NOP9: variants seen among roughly 807,000 people sequenced by gnomAD.
NOP9 encodes the protein NOP9 nucleolar protein.
In NOP9, 50 loss-of-function variants were observed where a neutral mutation model predicts 63.0. The observed-to-expected ratio is 0.79, with a 90% CI of 0.63 to 1.00. The LOEUF (loss-of-function observed/expected upper bound fraction) is 1.00. Among genes scored for constraint, NOP9 ranks in the 50% least tolerant of loss-of-function variants. The pLI is 0.00. For synonymous variants in NOP9, 343 were observed against 332.8 expected (o/e 1.03, Z -0.33); for missense variants, 758 against 803.0 (o/e 0.94, Z 0.68).
At chr14:24,275,202 G>A in the NOP9 span, among the ~76,000 whole-genome samples, 3 of 151,974 alleles carry the variant, frequency 2.0e-5, no homozygotes, top group African/African-American at 4.8e-5. Flanking sequence ...GTGAGCCACC[G>A]TGCCCTGAAA....
chr14:24,286,887 C>T, the NOP9 span, among the ~76,000 whole-genome samples: 7 of 150,746 alleles, frequency 4.6e-5, no homozygotes, highest in Admixed American at 1.3e-4. Context: ...TGAGCCACCG[C>T]GCCCGGCCTA....
the NOP9 span, chr14:24,292,439 G>T: frequency 6.6e-7 from 1 of 1,526,220 alleles, no homozygotes; most frequent in Non-Finnish European, 8.9e-7. Flanking sequence ...CTTCCCAGGA[G>T]CCCCAAGGTC....
At chr14:24,303,405 A>C (rs1306219315) in intron 6 of NOP9, among the ~76,000 whole-genome samples, 191 bp downstream of exon 6, 1 of 125,570 alleles carries the variant, frequency 8.0e-6, no homozygotes, top group Non-Finnish European at 1.7e-5. Context: ...TTTTTTTTTG[A>C]GACGGAGTTT....
Position 24,300,822 on chromosome 14 carries a change from C to CT in NOP9, c.663dup (p.Glu222Ter). ...GTGTTAGGAGGGACTATTCTGGAGT[C>CT]TGAGAGAGCCAGGCCCCGTGGTTCC... On this transcript the variant is annotated frameshift_variant, in exon 2 of 10. Coordinates refer to ENST00000267425, the MANE Select transcript of NOP9 (RefSeq NM_174913.3). LOFTEE classifies it high-confidence loss of function. The CT allele has an allele frequency of 1.9e-6, 3 of 1,613,918 alleles. No individual in the cohort carries two copies. Among genetic ancestry groups the CT allele is most frequent in the Non-Finnish European group, 2.5e-6 (3 of 1,179,832 alleles).
Position 24,300,095 on chromosome 14 carries a change from G to T in NOP9, c.141G>T (p.Ser47=), listed in dbSNP as rs768214653. The T allele has an allele frequency of 6.8e-6, 11 of 1,613,154 alleles. No individual in the cohort carries two copies. The Middle Eastern group carries it at 6.6e-4, about 97-fold the overall frequency. The change falls in exon 1 of 10, where the codon TCG becomes TCT. Residue 47 remains serine (S), a synonymous_variant. Coordinates refer to ENST00000267425, the MANE Select transcript of NOP9 (RefSeq NM_174913.3). ...CCTGGCCGCCTCCGGATGGGCGCTC[G>T]GAGCCGGCTCCAGATTCGCACCCGC... ...RQPWPPPDGR[S]EPAPDSHPHL...
intron 5 of NOP9, 41 bp from the exon 6 acceptor site, chr14:24,303,033 A>T (rs1182938845): frequency 1.3e-5 from 19 of 1,502,336 alleles, no homozygotes; most frequent in Non-Finnish European, 1.6e-5. Context: ...GTGGTCCGCC[A>T]TTACCAGAAT....
At chr14:24,294,318 T>G in the NOP9 span, 1 of 152,104 alleles carries the variant, frequency 6.6e-6, no homozygotes, top group Non-Finnish European at 1.5e-5. Flanking sequence ...CTGAGTATGG[T>G]GGCTCATGCC....
At chr14:24,273,149 C>T in the NOP9 span, among the ~76,000 whole-genome samples, 3 of 151,856 alleles carry the variant, frequency 2.0e-5, no homozygotes, top group African/African-American at 7.3e-5. Flanking sequence ...TTATAACTCA[C>T]ACCTGGGTAA....
At chr14:24,279,945 C>T in the NOP9 span, among the ~76,000 whole-genome samples, 1 of 152,178 alleles carries the variant, frequency 6.6e-6, no homozygotes, top group African/African-American at 2.4e-5. Context: ...GATGCTGTCG[C>T]TGGTAGATGA....
upstream of NOP9, chr14:24,299,832 T>C: frequency 8.0e-7 from 1 of 1,243,922 alleles, no homozygotes; most frequent in Non-Finnish European, 1.1e-6. Flanking sequence ...TATGACGTAG[T>C]AGCTGCGTCA....
At chr14:24,302,189 ATGAAATGGAGTTAAGACTGCC>A in intron 4 of NOP9, 22 bp from the exon 5 acceptor site, 2 of 1,600,696 alleles carry the variant, frequency 1.2e-6, no homozygotes, top group Non-Finnish European at 1.7e-6. Context: ...TGTATTTTGC[ATGAAATGGAGTTAAGACTGCC>A]TGATGCCCTT....
chr14:24,303,716 C>T lies in NOP9; in HGVS notation c.1285-16C>T, dbSNP rs4982895. 1,537,055 of 1,607,644 alleles carry T rather than the reference C, an allele frequency of 0.96. 735,334 individuals carry two copies. Among genetic ancestry groups the T allele is most frequent in the Middle Eastern group, 0.97 (5,851 of 6,046 alleles). Reference sequence around the variant, plus strand: ...GAGAAGTTCTCAGGTTCATCATATTCTGTCTTCTCCTTTAGGCATTCCACT... The same window carrying T: ...GAGAAGTTCTCAGGTTCATCATATTTTGTCTTCTCCTTTAGGCATTCCACT... On this transcript the variant is annotated splice_polypyrimidine_tract_variant and intron_variant, in intron 6 of 9. Coordinates refer to ENST00000267425, the MANE Select transcript of NOP9 (RefSeq NM_174913.3).
the NOP9 span, among the ~76,000 whole-genome samples, chr14:24,289,731 A>G: frequency 6.6e-6 from 1 of 152,212 alleles, no homozygotes; most frequent in Non-Finnish European, 1.5e-5. Flanking sequence ...CTTTCATGGG[A>G]CATGTACTGT....
the NOP9 span, among the ~76,000 whole-genome samples, chr14:24,276,003 C>A: frequency 6.6e-6 from 1 of 152,222 alleles, no homozygotes. Flanking sequence ...CATGTGACTG[C>A]TAAGCGCTTG....
chr14:24,289,043 T>G, the NOP9 span, among the ~76,000 whole-genome samples: 7 of 151,752 alleles, frequency 4.6e-5, no homozygotes, highest in Admixed American at 1.3e-4. Flanking sequence ...TGGCACGATC[T>G]CGGCTCACTG....
the NOP9 span, among the ~76,000 whole-genome samples, chr14:24,287,757 T>A: frequency 6.6e-6 from 1 of 152,316 alleles, no homozygotes; most frequent in Non-Finnish European, 1.5e-5. Context: ...GCCCCCTTCC[T>A]CAGTTCTCCA....
intron 1 of NOP9, 103 bp downstream of exon 1, chr14:24,300,304 T>G: frequency 6.4e-7 from 1 of 1,561,464 alleles, no homozygotes; most frequent in Non-Finnish European, 8.7e-7. Flanking sequence ...TCATTTCCCA[T>G]GTCCTCTTCC....
chr14:24,307,253 C>T lies in NOP9; in HGVS notation c.*2158C>T, dbSNP rs2041540051. The stretch of plus-strand genomic sequence containing the variant: ...TAGGCCCACTCCGCTGCTTTTAGCC[C>T]TCAGAGGGAGGGGCAGCTGTGTGAC... On this transcript the variant is annotated 3_prime_UTR_variant, in exon 10 of 10. Transcript: ENST00000267425. 21 of 1,184,276 alleles carry T rather than the reference C, an allele frequency of 1.8e-5. No homozygotes were observed. Among genetic ancestry groups the T allele is most frequent in the Non-Finnish European group, 2.4e-5 (20 of 832,274 alleles). The allele number at this position is 1,184,276 out of a possible 1,614,324, so 73.4% of individuals were successfully genotyped here. A position where few individuals can be genotyped will look rare whatever the true frequency, so the allele number is the denominator to read the frequency against.
the NOP9 span, chr14:24,292,286 A>G: frequency 6.2e-7 from 1 of 1,613,726 alleles, no homozygotes; most frequent in Non-Finnish European, 8.5e-7. Context: ...AGCTGACCCC[A>G]TGGCGCCGCA....
Sources: allele counts gnomAD v4.1 joint callset (sites outside exome capture counted in the v4.1 genomes callset), GRCh38; gene constraint gnomAD v4.1.1; transcripts MANE v1.5; gene names NCBI Gene and HGNC (gene_info 2026-07-23, HGNC 2026-07-21).